Variants in GALNT7 observed in about 807,000 individuals in gnomAD.
GALNT7 encodes N-acetylgalactosaminyltransferase 7.
Under a neutral mutation model 82.1 loss-of-function variants are expected in GALNT7, and 60 were observed. The observed-to-expected ratio is 0.73, with a 90% confidence interval of 0.59 to 0.91. The LOEUF is 0.91. Ranked by LOEUF, GALNT7 falls within the 40% of genes least tolerant of loss-of-function variation. GALNT7 has a pLI of 0.00. For synonymous variants in GALNT7, 243 were observed against 275.1 expected (o/e 0.88, Z 1.15); for missense variants, 660 against 804.2 (o/e 0.82, Z 2.17).
chr4:173,221,659 A>G (rs1340377509), intron 1 of GALNT7, among the ~76,000 whole-genome samples: 1 of 152,200 alleles, frequency 6.6e-6, no homozygotes, highest in Non-Finnish European at 1.5e-5. Context: ...GAGAACTTTA[A>G]TATTTCAATA....
intron 2 of GALNT7, among the ~76,000 whole-genome samples, chr4:173,261,414 A>G (rs1174661200): frequency 6.6e-6 from 1 of 151,418 alleles, no homozygotes; most frequent in Non-Finnish European, 1.5e-5. Flanking sequence ...CATCAGCATT[A>G]AAACAAAACA....
chr4:173,273,924 C>T (rs1250757289), intron 2 of GALNT7, among the ~76,000 whole-genome samples: 2 of 152,162 alleles, frequency 1.3e-5, no homozygotes, highest in Non-Finnish European at 2.9e-5. Context: ...ATCTATACAT[C>T]CATGCATGGT....
chr4:173,241,332 T>C (rs1734428656), intron 1 of GALNT7, among the ~76,000 whole-genome samples: 1 of 152,158 alleles, frequency 6.6e-6, no homozygotes, highest in Non-Finnish European at 1.5e-5. Context: ...ATACTAATGA[T>C]GTGGGAGAAA....
intron 1 of GALNT7, 145 bp downstream of exon 1, chr4:173,169,106 AG>A: frequency 1.7e-6 from 1 of 597,178 alleles, no homozygotes; most frequent in Non-Finnish European, 2.4e-6. Context: ...GCGCGGGCCG[AG>A]GGGGTGCCGA....
At chr4:173,315,655 T>C (rs901959912) in intron 9 of GALNT7, among the ~76,000 whole-genome samples, 10 of 150,356 alleles carry the variant, frequency 6.7e-5, no homozygotes, top group Admixed American at 6.6e-5. Context: ...TAATATACTT[T>C]TTCCCTATAC....
rs530868469 is a variant in GALNT7, at chr4:173,295,260, T to C, written c.755-136T>C. 7.7e-5 allele frequency: 48 copies of C among 626,858 alleles called. No individual in the cohort carries two copies. The African/African-American group carries it at 8.5e-4, about 11-fold the overall frequency. The allele number at this position is 626,858 out of a possible 1,614,324, so 38.8% of individuals were successfully genotyped here. On this transcript the variant is annotated intron_variant, in intron 3 of 11. Coordinates refer to ENST00000265000, the MANE Select transcript of GALNT7 (RefSeq NM_017423.3). ...TAAATAATATACTTCGCCTTCCTTC[T>C]TGATAAAACGTGCAATCTGGTCCAT...
chr4:173,184,425 C>T (rs1236773164), intron 1 of GALNT7, among the ~76,000 whole-genome samples: 2 of 152,000 alleles, frequency 1.3e-5, no homozygotes, highest in African/African-American at 4.8e-5. Context: ...GGCGAAACCC[C>T]GTCTCCACCA....
In GALNT7 at chr4:173,318,335, T is replaced by G; in HGVS notation, c.1708-96T>G. ...AAATTATGGAAAAATAAGTTAGTCA[T>G]TCAATTTAATTATAGGAGTTAAGTT... On this transcript the variant is annotated intron_variant, in intron 10 of 11. Coordinates refer to ENST00000265000, the MANE Select transcript of GALNT7 (RefSeq NM_017423.3). 1.1e-5 allele frequency: 10 copies of G among 871,812 alleles called. No individual in the cohort carries two copies. The South Asian group carries it at 1.5e-4, about 13-fold the overall frequency. 54.0% of individuals were successfully genotyped at this position (871,812 alleles called of 1,614,324 possible).
At chr4:173,269,514 T>G (rs965991013) in intron 2 of GALNT7, among the ~76,000 whole-genome samples, 1 of 152,118 alleles carries the variant, frequency 6.6e-6, no homozygotes, top group African/African-American at 2.4e-5. Flanking sequence ...TTTATTAGAT[T>G]TAGTGCTGAA....
At chr4:173,305,966 A>G (rs1737140555) in intron 8 of GALNT7, among the ~76,000 whole-genome samples, 1 of 152,094 alleles carries the variant, frequency 6.6e-6, no homozygotes, top group Admixed American at 6.5e-5. Flanking sequence ...ATTATATTGA[A>G]TCTGTAGTTT....
At chr4:173,270,693 G>A (rs950644187) in intron 2 of GALNT7, among the ~76,000 whole-genome samples, 7 of 152,228 alleles carry the variant, frequency 4.6e-5, no homozygotes, top group African/African-American at 1.7e-4. Flanking sequence ...ACATTATACT[G>A]GAATTCAGAA....
intron 1 of GALNT7, among the ~76,000 whole-genome samples, chr4:173,226,106 G>T (rs1295355436): frequency 6.6e-6 from 1 of 152,128 alleles, no homozygotes; most frequent in African/African-American, 2.4e-5. Flanking sequence ...TCCTGAAAGG[G>T]CTTCTGGGGT....
At chr4:173,225,035 A>ATAATAT (rs1733780570) in intron 1 of GALNT7, among the ~76,000 whole-genome samples, 1 of 148,402 alleles carries the variant, frequency 6.7e-6, no homozygotes, top group African/African-American at 2.5e-5. Flanking sequence ...AATAATAATA[A>ATAATAT]TAATAATAAT....
intron 2 of GALNT7, among the ~76,000 whole-genome samples, chr4:173,250,127 C>T (rs1418753848): frequency 4.6e-5 from 7 of 152,070 alleles, no homozygotes. Context: ...TTGCATTTAC[C>T]TAGAAGAATG....
At position 173,295,828 on chromosome 4, in the gene GALNT7, C is replaced by G. The variant is rs755798606; in HGVS notation, c.950C>G (p.Pro317Arg). 1 of 1,596,108 alleles carries G rather than the reference C, an allele frequency of 6.3e-7. No homozygotes were observed. The highest frequency in any genetic ancestry group is 1.1e-5 in the South Asian group (1 of 90,730). Residue 317 changes from proline to arginine, a missense_variant, in exon 5 of 12, where the codon CCC becomes CGC. Physicochemically the swap from Pro to Arg is moderately radical, Grantham distance 103. This residue lies in a region of GALNT7 where 527 missense variants were observed against 683.5 expected (regional missense o/e 0.77). Coordinates refer to ENST00000265000, the MANE Select transcript of GALNT7 (RefSeq NM_017423.3). ...AACTGGTATGCACCACTTGTAGCTC[C>G]CATATCTAAGGACAGGTAACATTAC... ...AVNWYAPLVA[P>R]ISKDRTICTV...
intron 8 of GALNT7, among the ~76,000 whole-genome samples, chr4:173,312,343 C>T (rs1737416447): frequency 6.6e-6 from 1 of 152,192 alleles, no homozygotes; most frequent in African/African-American, 2.4e-5. Flanking sequence ...GCTGCTTCAG[C>T]TCATGATGGG....
intron 8 of GALNT7, among the ~76,000 whole-genome samples, chr4:173,304,630 A>C (rs1208990190): frequency 6.6e-6 from 1 of 152,018 alleles, no homozygotes; most frequent in East Asian, 1.9e-4. Flanking sequence ...ATGTTGTATA[A>C]TAGATCTCTT....
intron 1 of GALNT7, among the ~76,000 whole-genome samples, chr4:173,236,950 G>A (rs1377804114): frequency 6.6e-6 from 1 of 152,200 alleles, no homozygotes; most frequent in Non-Finnish European, 1.5e-5. Context: ...TGATAAACCA[G>A]AGTATCACTG....
intron 2 of GALNT7, among the ~76,000 whole-genome samples, chr4:173,288,841 C>T (rs574337641): frequency 5.3e-5 from 8 of 152,018 alleles, no homozygotes; most frequent in African/African-American, 1.9e-4. Context: ...AAATCACAAA[C>T]ACAACAACTC....
Sources: gnomAD v4.1 joint callset for allele counts (sites outside exome capture counted in the v4.1 genomes callset) on GRCh38, gnomAD v4.1.1 for gene constraint, gnomAD v4.1.1 regional missense constraint, MANE v1.5 for transcripts, NCBI Gene and HGNC (gene_info 2026-07-23, HGNC 2026-07-21) for gene names.